The following ZNF778 variants were observed in gnomAD, a reference collection of about 807,000 sequenced individuals.
ZNF778 encodes zinc finger protein 778.
ZNF778 carries 37 observed loss-of-function variants against 23.9 expected under a neutral mutation model. That is an observed-to-expected ratio of 1.54 (90% confidence interval 1.19 to 2.03). The LOEUF (loss-of-function observed/expected upper bound fraction) is 2.03. ZNF778 is among the 30% of genes most tolerant of loss of function. The pLI is 0.00. For missense variants in ZNF778, 1,297 were observed against 934.4 expected, an observed-to-expected ratio of 1.39 and a Z score of -5.06; for synonymous variants, 483 against 343.9, an observed-to-expected ratio of 1.40 and a Z score of -4.48.
At chr16:89,224,981 G>GGCCGGGCACGGTGGCT (rs1597355183) in intron 5 of ZNF778, among the ~76,000 whole-genome samples, 179 bp downstream of exon 5, 1 of 135,148 alleles carries the variant, frequency 7.4e-6, no homozygotes, top group East Asian at 2.1e-4. Context: ...ATGCATTCTG[G>GGCCGGGCACGGTGGCT]CACAGAACAT....
In ZNF778 at chr16:89,224,732, C is replaced by A. The variant is rs773177846; in HGVS notation, c.258C>A (p.Phe86Leu). 4 of 1,535,370 alleles carry A rather than the reference C, an allele frequency of 2.6e-6. No homozygotes were observed. The South Asian group carries it at 3.6e-5, about 14-fold the overall frequency. Residue 86 changes from phenylalanine to leucine, a missense_variant, in exon 5 of 7, where the codon TTC (phenylalanine) becomes TTA (leucine). By Grantham distance (22) the Phe-to-Leu change is conservative. Coordinates refer to ENST00000433976, the MANE Select transcript of ZNF778 (RefSeq NM_001201407.2). Reference sequence around the variant, plus strand: ...CCCTGTGTACAGGACATCACCTGTTCCAACCCAGTGTGATCTATTGGCTGG... The same window carrying A: ...CCCTGTGTACAGGACATCACCTGTTACAACCCAGTGTGATCTATTGGCTGG... ...ENLASVGHHL[F>L]QPSVIYWLEQ...
rs532032884 is a variant in ZNF778, at chr16:89,227,315, G to A, written c.1027G>A (p.Gly343Arg). The A allele has an allele frequency of 1.4e-5, 22 of 1,613,980 alleles. No homozygotes were observed. The highest frequency in any genetic ancestry group is 3.3e-5 in the Admixed American group (2 of 60,006). ...AEKPCECKEC[G>R]KAFTGLSGLS... Reference sequence around the variant, plus strand: ...GAAACCCTGTGAATGTAAAGAATGCGGAAAAGCCTTCACTGGACTCTCAGG... The same window carrying A: ...GAAACCCTGTGAATGTAAAGAATGCAGAAAAGCCTTCACTGGACTCTCAGG... Residue 343 changes from glycine (G) to arginine (R), a missense_variant, in exon 7 of 7, where the codon GGA becomes AGA. By Grantham distance (125) the Gly-to-Arg change is moderately radical. Coordinates refer to ENST00000433976, the MANE Select transcript of ZNF778 (RefSeq NM_001201407.2).
In ZNF778 at chr16:89,218,527, C is replaced by G. The variant is rs943520470; in HGVS notation, c.-132+617C>G. Among the ~76,000 whole-genome samples, 3 of 152,180 alleles carry G rather than the reference C, an allele frequency of 2.0e-5. No individual in the cohort carries two copies. In the East Asian group the frequency reaches 5.8e-4, roughly 29 times the overall value. On this transcript the variant is annotated intron_variant, in intron 1 of 6. Coordinates refer to ENST00000433976, the MANE Select transcript of ZNF778 (RefSeq NM_001201407.2). ...TAAAATTAGGCCGGGCGCGGTGGCT[C>G]ACGCCTGTAATCCCAGCACTTTGGG... is the stretch of plus-strand genomic sequence containing the variant.
At position 89,228,958 on chromosome 16, in the gene ZNF778, T is replaced by G. The variant is rs574774750; in HGVS notation, c.*396T>G. On this transcript the variant is annotated 3_prime_UTR_variant, in exon 7 of 7. Transcript: ENST00000433976. ...CTTTAGTAAACGTGGTGATTGACAC[T>G]TGAAGTGTTGTGAATGTATGGAAGA... 1.0e-6 allele frequency: 1 copy of G among 1,003,928 alleles called. No individual in the cohort carries two copies. The highest frequency in any genetic ancestry group is 1.7e-5 in the African/African-American group (1 of 57,518). The allele number at this position is 1,003,928 out of a possible 1,614,324, so 62.2% of individuals were successfully genotyped here. A position where few individuals can be genotyped will look rare whatever the true frequency, so the allele number is the denominator to read the frequency against.
At position 89,227,786 on chromosome 16, in the gene ZNF778, A is replaced by T. The variant is rs1432630632; in HGVS notation, c.1498A>T (p.Thr500Ser). 1 of 1,613,194 alleles carries T rather than the reference A, an allele frequency of 6.2e-7. No homozygotes were observed. The highest frequency in any genetic ancestry group is 1.1e-5 in the South Asian group (1 of 91,044). ...CCTGACTGAGCACGCGAGAATCCAT[A>T]CCGGAGAGAAACCCTACGAATGTAA... Reference protein sequence around the residue: ...SSLTEHARIHTGEKPYECKQC... With the variant: ...SSLTEHARIHSGEKPYECKQC... The change falls in exon 7 of 7, where the codon ACC becomes TCC. Residue 500 changes from threonine (T) to serine (S), a missense_variant. Coordinates refer to ENST00000433976, the MANE Select transcript of ZNF778 (RefSeq NM_001201407.2).
chr16:89,226,570 C>A, intron 6 of ZNF778, 124 bp from the exon 7 acceptor site: 1 of 778,732 alleles, frequency 1.3e-6, no homozygotes, highest in Non-Finnish European at 2.0e-6. Flanking sequence ...AGGGCAGGAG[C>A]TGCTTGCATG....
rs183430668 is a variant in ZNF778 at position 89,223,432 on chromosome 16, G to A, written c.244+149G>A. ...TAGTAGGCTTGGTGCTAGTGTGGTCGTTTCCAGAATGTGGTCCTGGGGTCA... is the reference window on the plus strand; with the variant it reads ...TAGTAGGCTTGGTGCTAGTGTGGTCATTTCCAGAATGTGGTCCTGGGGTCA... On this transcript the variant is annotated intron_variant, in intron 4 of 6. Transcript: ENST00000433976. 846 of 1,114,346 alleles carry A rather than the reference G, an allele frequency of 7.6e-4. 2 individuals are homozygous for A. The highest frequency in any genetic ancestry group is 1.6e-3 in the Middle Eastern group (8 of 4,970). The allele number at this position is 1,114,346 out of a possible 1,614,324, so 69.0% of individuals were successfully genotyped here.
chr16:89,232,795 C>T lies in ZNF778; in HGVS notation c.*4233C>T. The T allele has an allele frequency of 7.8e-7, 1 of 1,289,088 alleles. No individual in the cohort carries two copies. The highest frequency in any genetic ancestry group is 1.0e-6 in the Non-Finnish European group (1 of 988,644). 79.9% of individuals were successfully genotyped at this position (1,289,088 alleles called of 1,614,324 possible). A position where few individuals can be genotyped will look rare whatever the true frequency, so the allele number is the denominator to read the frequency against. ...AAATCAACTCACTGCATATGCACAT[C>T]AACTCACTGCATATGCAACTCAACT... On this transcript the variant is annotated 3_prime_UTR_variant, in exon 7 of 7. Coordinates refer to ENST00000433976, the MANE Select transcript of ZNF778 (RefSeq NM_001201407.2).
intron 2 of ZNF778, 34 bp from the exon 3 acceptor site, chr16:89,222,058 G>A (rs747951146): frequency 1.9e-4 from 284 of 1,518,828 alleles, no homozygotes; most frequent in Non-Finnish European, 2.5e-4. Flanking sequence ...TCAGCTCTGG[G>A]TTCTCATGCC....
intron 4 of ZNF778, among the ~76,000 whole-genome samples, chr16:89,224,271 C>T (rs2031255834): frequency 6.6e-6 from 1 of 152,042 alleles, no homozygotes; most frequent in Admixed American, 6.5e-5. Flanking sequence ...TGGCTCATGC[C>T]TGTAATCCCA....
At chr16:89,221,577 G>A (rs549647580) in intron 2 of ZNF778, among the ~76,000 whole-genome samples, 3 of 116,894 alleles carry the variant, frequency 2.6e-5, no homozygotes, top group East Asian at 5.5e-4. Context: ...CTGAGGCACT[G>A]TATGGCTGTG....
At chr16:89,221,181 G>A (rs1395471717) in intron 2 of ZNF778, 29 bp downstream of exon 2, 20 of 1,535,670 alleles carry the variant, frequency 1.3e-5, no homozygotes, top group Non-Finnish European at 1.8e-5. Context: ...CCTTCTCAGA[G>A]CCTCTGCTCT....
chr16:89,220,203 G>A (rs918462288), intron 1 of ZNF778, among the ~76,000 whole-genome samples: 8 of 152,268 alleles, frequency 5.3e-5, no homozygotes, highest in African/African-American at 1.9e-4. Flanking sequence ...CGCCCCCGCC[G>A]ACACCTAGTA....
chr16:89,227,084 A>T lies in ZNF778; in HGVS notation c.796A>T (p.Met266Leu), dbSNP rs775736439. The change falls in exon 7 of 7, where the codon ATG (methionine) becomes TTG (leucine). Residue 266 changes from methionine (M) to leucine (L), a missense_variant. Physicochemically the swap from Met to Leu is conservative, Grantham distance 15 (BLOSUM62 2). Transcript: ENST00000433976. ...KPCGKALTHSMGCATPVEMHA... is the reference protein window; with the variant it reads ...KPCGKALTHSLGCATPVEMHA... ...GTGTGGGAAAGCTCTAACTCACTCC[A>T]TGGGCTGCGCCACACCTGTTGAAAT... The T allele has an allele frequency of 1.2e-6, 2 of 1,613,886 alleles. No individual in the cohort carries two copies. The highest frequency in any genetic ancestry group is 1.7e-6 in the Non-Finnish European group (2 of 1,179,900).
intron 6 of ZNF778, among the ~76,000 whole-genome samples, 154 bp from the exon 7 acceptor site, chr16:89,226,540 T>A (rs2031486398): frequency 6.6e-6 from 1 of 152,176 alleles, no homozygotes; most frequent in African/African-American, 2.4e-5. Context: ...GGCTCCTCAT[T>A]TGACTTGAAA....
chr16:89,218,635 C>A (rs1033509550), intron 1 of ZNF778, among the ~76,000 whole-genome samples: 32 of 151,208 alleles, frequency 2.1e-4, no homozygotes, highest in African/African-American at 7.8e-4. Context: ...ACTAAAAATA[C>A]AAAAAATTAG....
chr16:89,223,291 T>G lies in ZNF778; in HGVS notation c.244+8T>G. On this transcript the variant is annotated splice_region_variant and intron_variant, in intron 4 of 6. Coordinates refer to ENST00000433976, the MANE Select transcript of ZNF778 (RefSeq NM_001201407.2). ...AGAACCTGGCCTCAGTAGGTGAGGC[T>G]GCCACCGTCCTTTGCAACTTCTGTG... The G allele has an allele frequency of 1.2e-6, 2 of 1,613,804 alleles. No individual in the cohort carries two copies. The highest frequency in any genetic ancestry group is 4.5e-5 in the East Asian group (2 of 44,862).
In ZNF778 at chr16:89,226,746, CT is replaced by C; in HGVS notation, c.461del (p.Phe154SerfsTer11). 1 of 1,613,974 alleles carries C rather than the reference CT, an allele frequency of 6.2e-7. No homozygotes were observed. The highest frequency in any genetic ancestry group is 8.5e-7 in the Non-Finnish European group (1 of 1,179,878). On this transcript the variant is annotated frameshift_variant, in exon 7 of 7. Transcript: ENST00000433976. LOFTEE classifies it low-confidence loss of function (END_TRUNC). ...TGTGACCGCACGCAGTGTGGAGAAG[CT>C]TTCAGTGAACACTCAGGCCTCAGCA... ...QLCDRTQCGE[A>X]FSEHSGLSTH...
intron 6 of ZNF778, among the ~76,000 whole-genome samples, 189 bp downstream of exon 6, chr16:89,225,820 C>G (rs2031426005): frequency 6.6e-6 from 1 of 152,116 alleles, no homozygotes; most frequent in Non-Finnish European, 1.5e-5. Context: ...CTTGGTGCTT[C>G]AGACACACAT....
Sources: gnomAD v4.1 joint callset for allele counts (sites outside exome capture counted in the v4.1 genomes callset) on GRCh38, gnomAD v4.1.1 for gene constraint, MANE v1.5 for transcripts, NCBI Gene and HGNC (gene_info 2026-07-23, HGNC 2026-07-21) for gene names.